CFAP92: variants seen among roughly 807,000 people sequenced by gnomAD.
CFAP92 encodes the protein cilia and flagella associated protein 92 (putative), also known as uncharacterized protein CFAP92.
A neutral mutation model predicts 106.3 loss-of-function variants in CFAP92; 86 were observed. The ratio of observed to expected loss-of-function variants is 0.81; its 90% CI spans 0.68 to 0.97. CFAP92 has a LOEUF of 0.97. Among genes scored for constraint, CFAP92 ranks in the 50% least tolerant of loss-of-function variants. The probability of loss-of-function intolerance (pLI) is 0.00; values close to 1 mark genes in which losing one functional copy is unlikely to be tolerated. For missense variants in CFAP92, 1,204 were observed against 1,283.8 expected, an observed-to-expected ratio of 0.94 and a Z score of 0.95; for synonymous variants, 477 against 506.4, an observed-to-expected ratio of 0.94 and a Z score of 0.78.
intron 9 of CFAP92, among the ~76,000 whole-genome samples, chr3:128,951,154 G>C (rs533098519): frequency 4.1e-4 from 62 of 152,136 alleles, no homozygotes; most frequent in African/African-American, 1.5e-3. Context: ...AGAATTGCTT[G>C]AATCTGGGAG....
At chr3:128,971,455 A>G in intron 7 of CFAP92, 22 bp from the exon 8 acceptor site, 1 of 1,558,908 alleles carries the variant, frequency 6.4e-7, no homozygotes, top group Non-Finnish European at 8.7e-7. Flanking sequence ...AACAAAGGAG[A>G]TGAGCATTAA....
At chr3:128,950,090 C>G (rs1349290153) in intron 9 of CFAP92, among the ~76,000 whole-genome samples, 1 of 152,154 alleles carries the variant, frequency 6.6e-6, no homozygotes, top group Non-Finnish European at 1.5e-5. Context: ...CAGAGGGTCT[C>G]TGGAATAGGG....
At chr3:128,953,838 C>T (rs1255610617) in intron 9 of CFAP92, among the ~76,000 whole-genome samples, 5 of 124,564 alleles carry the variant, frequency 4.0e-5, no homozygotes, top group Admixed American at 7.4e-5. Context: ...AGCCCCTAAC[C>T]GCGAGTGATC....
chr3:128,979,009 T>G (rs951352548), intron 4 of CFAP92, among the ~76,000 whole-genome samples: 31 of 152,020 alleles, frequency 2.0e-4, no homozygotes, highest in African/African-American at 7.0e-4. Flanking sequence ...ACCATCAGAG[T>G]GAACAGGCAA....
chr3:128,989,289 T>TAAAAAAA (rs56776852), intron 2 of CFAP92, among the ~76,000 whole-genome samples: 1 of 122,258 alleles, frequency 8.2e-6, no homozygotes, highest in East Asian at 2.4e-4. Context: ...AAGAAGCAGG[T>TAAAAAAA]AAAAAAAAAA....
At chr3:128,963,805 C>A (rs1942146226) in intron 9 of CFAP92, among the ~76,000 whole-genome samples, 1 of 149,870 alleles carries the variant, frequency 6.7e-6, no homozygotes, top group Non-Finnish European at 1.5e-5. Context: ...GAAATAACTT[C>A]TCAGTGTTCC....
chr3:129,006,195 G>A (rs1028449215), upstream of CFAP92, among the ~76,000 whole-genome samples: 4 of 152,224 alleles, frequency 2.6e-5, no homozygotes, highest in Non-Finnish European at 4.4e-5. Flanking sequence ...TGTGTGCTTC[G>A]ATTCACAGTT....
the CFAP92 span, among the ~76,000 whole-genome samples, chr3:129,018,908 G>C: frequency 6.6e-6 from 1 of 152,180 alleles, no homozygotes; most frequent in African/African-American, 2.4e-5. Context: ...TTCTGCGAGT[G>C]CATCTTCTGG....
intron 15 of CFAP92, chr3:128,910,933 C>A: frequency 1.6e-6 from 2 of 1,260,348 alleles, no homozygotes; most frequent in Non-Finnish European, 2.3e-6. Flanking sequence ...AGACCTCTGC[C>A]TTGAGCGAGG....
chr3:129,020,349 T>C, the CFAP92 span, among the ~76,000 whole-genome samples: 85 of 152,216 alleles, frequency 5.6e-4, no homozygotes, highest in Non-Finnish European at 1.1e-3. Flanking sequence ...ATTTAAAAGA[T>C]TGGGAAGGCT....
intron 2 of CFAP92, among the ~76,000 whole-genome samples, chr3:128,989,838 T>G (rs960367624): frequency 6.6e-6 from 1 of 152,012 alleles, no homozygotes; most frequent in East Asian, 1.9e-4. Flanking sequence ...CCTGCCAGTC[T>G]CTGGTAGCAT....
At chr3:129,016,858 G>A in the CFAP92 span, among the ~76,000 whole-genome samples, 1 of 152,186 alleles carries the variant, frequency 6.6e-6, no homozygotes, top group East Asian at 1.9e-4. Flanking sequence ...GCTGTGAGTG[G>A]TTTATCAGTG....
At position 128,971,326 on chromosome 3, in the gene CFAP92, C is replaced by T. The variant is rs373502745; in HGVS notation, c.1129G>A (p.Ala377Thr). ...ATGACGGCCAGCTGGATGGAGAAAG[C>T]GCTCTGCTTCCTGGGGCCTGTCAGC... ...PTLTGPRKQS[A>T]FSIQLAVMPL... The change falls in exon 8 of 16, where the codon GCT becomes ACT. Residue 377 changes from alanine (A) to threonine (T), a missense_variant. Transcript: ENST00000645291. 1.7e-5 allele frequency: 28 copies of T among 1,613,412 alleles called. No individual in the cohort carries two copies. Among genetic ancestry groups the T allele is most frequent in the African/African-American group, 1.2e-4 (9 of 74,936 alleles).
intron 4 of CFAP92, among the ~76,000 whole-genome samples, chr3:128,981,313 G>A (rs1421628262): frequency 6.6e-6 from 1 of 151,420 alleles, no homozygotes; most frequent in Non-Finnish European, 1.5e-5. Flanking sequence ...TGAGATTACA[G>A]GAGTGAGCCA....
chr3:128,994,016 G>T lies in CFAP92; in HGVS notation c.-69C>A. The stretch of plus-strand genomic sequence containing the variant: ...TGCGCTGGGCGGCAGCGGGGAGTTG[G>T]ACCGCGGCGGCAACTCCCGTACCGG... On this transcript the variant is annotated 5_prime_UTR_variant, in exon 1 of 16. Coordinates refer to ENST00000645291, the MANE Select transcript of CFAP92 (RefSeq NM_001394090.1). 1 of 987,456 alleles carries T rather than the reference G, an allele frequency of 1.0e-6. No homozygotes were observed. The highest frequency in any genetic ancestry group is 1.2e-6 in the Non-Finnish European group (1 of 831,018). 61.2% of individuals were successfully genotyped at this position (987,456 alleles called of 1,614,324 possible).
At chr3:128,989,102 C>T (rs1029491877) in intron 2 of CFAP92, among the ~76,000 whole-genome samples, 184 bp from the exon 3 acceptor site, 1 of 151,938 alleles carries the variant, frequency 6.6e-6, no homozygotes, top group Admixed American at 6.6e-5. Context: ...GGACTGGGCA[C>T]CTGAGTGCAA....
chr3:128,945,138 GTGTC>G lies in CFAP92; in HGVS notation c.2187_2190del (p.Lys729AsnfsTer14). The stretch of plus-strand genomic sequence containing the variant: ...GCCAGGCCTTCCAGGATGAAAAGGT[GTGTC>G]TTCCCGTCCAGCAGGTGGAAGCCAG... On this transcript the variant is annotated frameshift_variant, in exon 10 of 16. Transcript: ENST00000645291. LOFTEE classifies it high-confidence loss of function. 1 of 1,536,054 alleles carries G rather than the reference GTGTC, an allele frequency of 6.5e-7. No individual in the cohort carries two copies. The highest frequency in any genetic ancestry group is 1.2e-5 in the South Asian group (1 of 84,046).
At chr3:128,987,955 C>T in intron 3 of CFAP92, 126 bp from the exon 4 acceptor site, 1 of 707,438 alleles carries the variant, frequency 1.4e-6, no homozygotes, top group East Asian at 2.7e-5. Flanking sequence ...TGCCTGGTCA[C>T]TCTCCAGGCT....
intron 8 of CFAP92, chr3:128,969,101 C>G (rs1344427861): frequency 6.6e-6 from 1 of 151,976 alleles, no homozygotes; most frequent in Non-Finnish European, 1.5e-5. Flanking sequence ...TATAATCTCC[C>G]CCACCCTTAA....
Sources: gnomAD v4.1 joint callset for allele counts (sites outside exome capture counted in the v4.1 genomes callset) on GRCh38, gnomAD v4.1.1 for gene constraint, MANE v1.5 for transcripts, NCBI Gene and HGNC (gene_info 2026-07-23, HGNC 2026-07-21) for gene names.